The following THAP12 variants were observed in gnomAD, a reference collection of about 807,000 sequenced individuals.
THAP12 encodes the protein THAP domain containing 12.
In THAP12, 20 loss-of-function variants were observed where a neutral mutation model predicts 63.0. That is an observed-to-expected ratio of 0.32 (90% CI 0.22 to 0.46). The LOEUF (loss-of-function observed/expected upper bound fraction) is 0.46, where lower values mean the gene tolerates loss of function less well. THAP12 is among the 20% of genes least tolerant of loss of function. The probability of loss-of-function intolerance (pLI) is 1.00; values close to 1 mark genes in which losing one functional copy is unlikely to be tolerated. For synonymous variants in THAP12, 264 were observed against 328.4 expected, an observed-to-expected ratio of 0.80 and a Z score of 2.12; for missense variants, 568 against 908.2, an observed-to-expected ratio of 0.63 and a Z score of 4.81.
At chr11:76,355,588 A>G (rs1191067592) in intron 4 of THAP12, 30 bp downstream of exon 4, 1 of 1,576,688 alleles carries the variant, frequency 6.3e-7, no homozygotes, top group Non-Finnish European at 8.6e-7. Context: ...AAAGGCATTC[A>G]GAAGTTGAGT....
chr11:76,367,170 G>A lies in THAP12; in HGVS notation c.90-1198C>T, dbSNP rs375133066. ...TGGCTCACTGCAACCTCTGCTTCCCGGGTTCAAGCGATTCTCCTGTCTCAG... is the reference window on the plus strand; with the variant it reads ...TGGCTCACTGCAACCTCTGCTTCCCAGGTTCAAGCGATTCTCCTGTCTCAG... On this transcript the variant is annotated intron_variant, in intron 1 of 4. Coordinates refer to ENST00000260045, the MANE Select transcript of THAP12 (RefSeq NM_004705.4). Among the ~76,000 whole-genome samples the A allele has an allele frequency of 4.0e-5, 6 of 151,032 alleles. No individual in the cohort carries two copies. The East Asian group carries it at 5.9e-4, about 15-fold the overall frequency.
Position 76,355,666 on chromosome 11 carries a change from G to C in THAP12, c.319-12C>G. On this transcript the variant is annotated splice_polypyrimidine_tract_variant and intron_variant, in intron 3 of 4. Transcript: ENST00000260045. The stretch of plus-strand genomic sequence containing the variant: ...ATTTCATCTTCACTCTAAATGTCAA[G>C]AAAAAAAAAGAAAAAAACAAATCAT... 1 of 1,517,166 alleles carries C rather than the reference G, an allele frequency of 6.6e-7. No individual in the cohort carries two copies. Among genetic ancestry groups the C allele is most frequent in the Non-Finnish European group, 8.9e-7 (1 of 1,128,846 alleles). 94.0% of individuals were successfully genotyped at this position (1,517,166 alleles called of 1,614,324 possible). A position where few individuals can be genotyped will look rare whatever the true frequency, so the allele number is the denominator to read the frequency against.
At chr11:76,372,872 A>G (rs897365510) in intron 1 of THAP12, among the ~76,000 whole-genome samples, 1 of 151,196 alleles carries the variant, frequency 6.6e-6, no homozygotes, top group Non-Finnish European at 1.5e-5. Flanking sequence ...GGGTGACAGA[A>G]TAAGAACCTG....
intron 4 of THAP12, among the ~76,000 whole-genome samples, chr11:76,355,401 A>G (rs147949747): frequency 6.6e-6 from 1 of 152,370 alleles, no homozygotes; most frequent in East Asian, 1.9e-4. Context: ...TGAGGCCTGC[A>G]TATAGCATAG....
At chr11:76,354,881 C>A (rs996262158) in intron 4 of THAP12, among the ~76,000 whole-genome samples, 1 of 152,180 alleles carries the variant, frequency 6.6e-6, no homozygotes, top group South Asian at 2.1e-4. Context: ...CAAAACAGCA[C>A]CCTGTTTCGT....
chr11:76,380,210 C>G (rs1946743032), intron 1 of THAP12, among the ~76,000 whole-genome samples: 1 of 152,158 alleles, frequency 6.6e-6, no homozygotes, highest in Admixed American at 6.5e-5. Flanking sequence ...AAATGAGTAA[C>G]GGTGACAGCC....
chr11:76,360,886 TA>T, intron 3 of THAP12, 69 bp downstream of exon 3: 1 of 1,035,742 alleles, frequency 9.7e-7, no homozygotes, highest in Non-Finnish European at 1.5e-6. Context: ...AATTTTAACA[TA>T]AATGCATCTG....
chr11:76,369,875 T>C (rs1400417641), intron 1 of THAP12, among the ~76,000 whole-genome samples: 1 of 152,284 alleles, frequency 6.6e-6, no homozygotes, highest in African/African-American at 2.4e-5. Flanking sequence ...TCCTTCAGAC[T>C]GTGCCTGTCT....
intron 1 of THAP12, among the ~76,000 whole-genome samples, chr11:76,368,376 A>C (rs1336779768): frequency 6.6e-6 from 1 of 152,196 alleles, no homozygotes; most frequent in Non-Finnish European, 1.5e-5. Flanking sequence ...TTCTCCCCAA[A>C]CCCATTTACT....
chr11:76,358,773 A>G (rs888258555), intron 3 of THAP12: 1 of 152,146 alleles, frequency 6.6e-6, no homozygotes, highest in African/African-American at 2.4e-5. Context: ...GCCCCACTGC[A>G]CTCTGGCTTG....
chr11:76,355,839 G>C, intron 3 of THAP12, 185 bp from the exon 4 acceptor site: 1 of 469,818 alleles, frequency 2.1e-6, no homozygotes, highest in Non-Finnish European at 3.7e-6. Flanking sequence ...AGAATAAGCT[G>C]TTAATGACTC....
Position 76,377,395 on chromosome 11 carries a change from G to T in THAP12, c.89+3353C>A, listed in dbSNP as rs374596140. Among the ~76,000 whole-genome samples, 92 of 152,204 alleles carry T rather than the reference G, an allele frequency of 6.0e-4. 1 individual carries two copies. In the South Asian group the frequency reaches 7.1e-3, roughly 12 times the overall value. ...AAGGAAACCTTGTAACCATTAATCAGTTGCTCCCCACTCTCCCTTTCGCCC... is the reference window on the plus strand; with the variant it reads ...AAGGAAACCTTGTAACCATTAATCATTTGCTCCCCACTCTCCCTTTCGCCC... On this transcript the variant is annotated intron_variant, in intron 1 of 4. Coordinates refer to ENST00000260045, the MANE Select transcript of THAP12 (RefSeq NM_004705.4).
At chr11:76,363,155 T>C (rs2134506128) in intron 2 of THAP12, among the ~76,000 whole-genome samples, 1 of 151,856 alleles carries the variant, frequency 6.6e-6, no homozygotes, top group East Asian at 1.9e-4. Flanking sequence ...AAAAAAATAA[T>C]AATAATAAAA....
intron 1 of THAP12, chr11:76,368,619 T>C (rs1362123657): frequency 6.6e-6 from 1 of 152,160 alleles, no homozygotes; most frequent in Non-Finnish European, 1.5e-5. Context: ...TGAAACAAAA[T>C]AGAGCACTGC....
intron 1 of THAP12, among the ~76,000 whole-genome samples, chr11:76,370,199 G>GGGGAGAAT (rs1237829400): frequency 6.6e-6 from 1 of 152,168 alleles, no homozygotes; most frequent in Non-Finnish European, 1.5e-5. Flanking sequence ...GGCTACCACT[G>GGGGAGAAT]GGGAGAATGG....
chr11:76,362,577 T>C (rs1465428265), intron 2 of THAP12, among the ~76,000 whole-genome samples: 1 of 152,168 alleles, frequency 6.6e-6, no homozygotes, highest in South Asian at 2.1e-4. Context: ...GAATGAGGAA[T>C]TGGTTAGGGA....
Position 76,380,812 on chromosome 11 carries a change from T to C in THAP12, c.25A>G (p.Asn9Asp). The C allele has an allele frequency of 6.9e-7, 1 of 1,442,600 alleles. No individual in the cohort carries two copies. 89.4% of individuals were successfully genotyped at this position (1,442,600 alleles called of 1,614,324 possible). ...GACTGCGTGCTCTTCCGCGTGCAGT[T>C]GGGGGCAGCGCAGAAGTTCGGCATC... MPNFCAAP[N>D]CTRKSTQSDL... Residue 9 changes from asparagine (N) to aspartate (D), a missense_variant, in exon 1 of 5, where the codon AAC becomes GAC. By Grantham distance (23) the Asn-to-Asp change is conservative. Coordinates refer to ENST00000260045, the MANE Select transcript of THAP12 (RefSeq NM_004705.4).
intron 1 of THAP12, among the ~76,000 whole-genome samples, chr11:76,374,357 C>T (rs1946694186): frequency 6.8e-6 from 1 of 148,040 alleles, no homozygotes; most frequent in Non-Finnish European, 1.5e-5. Flanking sequence ...GTTATACATA[C>T]CATATAAATG....
At chr11:76,379,133 A>G (rs1270695291) in intron 1 of THAP12, among the ~76,000 whole-genome samples, 3 of 152,132 alleles carry the variant, frequency 2.0e-5, no homozygotes, top group Non-Finnish European at 2.9e-5. Context: ...GCCAACATAG[A>G]TTTTTAAAAT....
Sources: gnomAD v4.1 joint callset for allele counts (sites outside exome capture counted in the v4.1 genomes callset) on GRCh38, gnomAD v4.1.1 for gene constraint, MANE v1.5 for transcripts, NCBI Gene and HGNC (gene_info 2026-07-23, HGNC 2026-07-21) for gene names.